Variants in TNFSF4 observed in about 807,000 individuals in gnomAD.
The protein encoded by TNFSF4 is TNF superfamily member 4.
A neutral mutation model predicts 7.3 loss-of-function variants in TNFSF4; 4 were observed. The observed-to-expected ratio is 0.55, with a 90% CI of 0.27 to 1.25. The LOEUF (loss-of-function observed/expected upper bound fraction) is 1.25, where lower values mean the gene tolerates loss of function less well. Among genes scored for constraint, TNFSF4 ranks in the 50% most tolerant of loss-of-function variants. The pLI is 0.12. For missense variants in TNFSF4, 181 were observed against 208.8 expected (o/e 0.87, Z 0.82); for synonymous variants, 76 against 83.7 (o/e 0.91, Z 0.50).
chr1:173,222,911 C>G, the TNFSF4 span, among the ~76,000 whole-genome samples: 1 of 152,198 alleles, frequency 6.6e-6, no homozygotes, highest in Admixed American at 6.5e-5. Flanking sequence ...AGGGCCCACT[C>G]TTACCCCAGA....
chr1:173,406,870 G>A, the TNFSF4 span, among the ~76,000 whole-genome samples: 1 of 152,146 alleles, frequency 6.6e-6, no homozygotes, highest in African/African-American at 2.4e-5. Context: ...GAGAGCTTCC[G>A]AATGGAGAGC....
chr1:173,239,045 G>A, the TNFSF4 span, among the ~76,000 whole-genome samples: 1 of 152,168 alleles, frequency 6.6e-6, no homozygotes, highest in Non-Finnish European at 1.5e-5. Context: ...TCTCCAAGAT[G>A]TTGATGGTGA....
At chr1:173,405,794 T>C in the TNFSF4 span, among the ~76,000 whole-genome samples, 14 of 152,354 alleles carry the variant, frequency 9.2e-5, no homozygotes, top group East Asian at 7.7e-4. Flanking sequence ...TTGTACCTCA[T>C]TGATAAATCC....
chr1:173,177,395 G>A, the TNFSF4 span, among the ~76,000 whole-genome samples: 3 of 151,844 alleles, frequency 2.0e-5, no homozygotes, highest in Admixed American at 2.0e-4. Flanking sequence ...TAAACATTGA[G>A]TACAAATGGA....
the TNFSF4 span, chr1:173,363,482 C>T: frequency 7.0e-6 from 3 of 426,066 alleles, no homozygotes; most frequent in African/African-American, 2.1e-5. Context: ...CTTTCTTCTG[C>T]CAGAATCATT....
chr1:173,312,892 CT>C, the TNFSF4 span, among the ~76,000 whole-genome samples: 6 of 152,246 alleles, frequency 3.9e-5, no homozygotes, highest in Admixed American at 2.6e-4. Flanking sequence ...ACACCAACAT[CT>C]TTGTTGGAAT....
the TNFSF4 span, among the ~76,000 whole-genome samples, chr1:173,377,841 T>C: frequency 2.6e-5 from 4 of 152,164 alleles, no homozygotes; most frequent in Non-Finnish European, 5.9e-5. Context: ...CCTATTCATA[T>C]AAGTGAGGAC....
At chr1:173,193,459 T>A (rs1233517238) in intron 1 of TNFSF4, among the ~76,000 whole-genome samples, 2 of 152,204 alleles carry the variant, frequency 1.3e-5, no homozygotes, top group African/African-American at 4.8e-5. Flanking sequence ...AGTCATATTT[T>A]AGTTGAACAT....
chr1:173,450,694 T>C, the TNFSF4 span, among the ~76,000 whole-genome samples: 5 of 117,886 alleles, frequency 4.2e-5, 1 homozygote, highest in South Asian at 1.2e-3. Context: ...TCTTATTGGA[T>C]GAAGAAAAAG....
chr1:173,343,944 A>C, the TNFSF4 span, among the ~76,000 whole-genome samples: 1 of 152,374 alleles, frequency 6.6e-6, no homozygotes, highest in African/African-American at 2.4e-5. Context: ...ACATTATTGA[A>C]GTAAAATGAC....
the TNFSF4 span, among the ~76,000 whole-genome samples, chr1:173,423,995 G>A: frequency 0.081 from 12,353 of 152,090 alleles, 767 homozygotes; most frequent in East Asian, 0.28. Context: ...GGGAGGGACA[G>A]AAGGGCAAAA....
the TNFSF4 span, among the ~76,000 whole-genome samples, chr1:173,302,837 C>T: frequency 6.6e-6 from 1 of 151,336 alleles, no homozygotes; most frequent in African/African-American, 2.4e-5. Flanking sequence ...AATTTAATAA[C>T]AAGTAGTGTT....
the TNFSF4 span, among the ~76,000 whole-genome samples, chr1:173,336,147 ATGG>A: frequency 1.3e-5 from 2 of 152,200 alleles, no homozygotes; most frequent in Non-Finnish European, 2.9e-5. Context: ...TGAGGCTACT[ATGG>A]TGGGAAAGGC....
At chr1:173,248,171 C>T in the TNFSF4 span, among the ~76,000 whole-genome samples, 1 of 151,944 alleles carries the variant, frequency 6.6e-6, no homozygotes, top group Non-Finnish European at 1.5e-5. Context: ...CTGGCTAACA[C>T]TTCGAAATCC....
chr1:173,233,524 T>C, the TNFSF4 span, among the ~76,000 whole-genome samples: 2 of 152,152 alleles, frequency 1.3e-5, no homozygotes, highest in Non-Finnish European at 2.9e-5. Flanking sequence ...AGACACATAA[T>C]TGTCAGATTC....
chr1:173,442,589 G>A, the TNFSF4 span, among the ~76,000 whole-genome samples: 1,096 of 121,984 alleles, frequency 9.0e-3, 15 homozygotes, highest in African/African-American at 0.032. Context: ...TCGCTTTGTC[G>A]TCCAGGCTGG....
At chr1:173,304,297 T>C in the TNFSF4 span, among the ~76,000 whole-genome samples, 1 of 151,950 alleles carries the variant, frequency 6.6e-6, no homozygotes, top group Non-Finnish European at 1.5e-5. Flanking sequence ...TCTCATATCA[T>C]GGCAGTGCTG....
chr1:173,371,233 G>C, the TNFSF4 span, among the ~76,000 whole-genome samples: 4 of 152,160 alleles, frequency 2.6e-5, no homozygotes, highest in Admixed American at 6.5e-5. Context: ...AGGAATCCTG[G>C]GACAGCCTGT....
chr1:173,346,391 T>A, the TNFSF4 span, among the ~76,000 whole-genome samples: 1 of 152,166 alleles, frequency 6.6e-6, no homozygotes, highest in Non-Finnish European at 1.5e-5. Flanking sequence ...CTCTGAATTC[T>A]GTACCCACTC....
Sources: gnomAD v4.1 joint callset for allele counts (sites outside exome capture counted in the v4.1 genomes callset) on GRCh38, gnomAD v4.1.1 for gene constraint, MANE v1.5 for transcripts, NCBI Gene and HGNC (gene_info 2026-07-23, HGNC 2026-07-21) for gene names.